The following MAMDC2 variants were observed in gnomAD, a reference collection of about 807,000 sequenced individuals.
The protein encoded by MAMDC2 is MAM domain-containing protein 2.
In MAMDC2, 57 loss-of-function variants were observed where a neutral mutation model predicts 89.8. That is an observed-to-expected ratio of 0.63 (90% CI 0.51 to 0.79). The LOEUF (loss-of-function observed/expected upper bound fraction) is 0.79. MAMDC2 is among the 30% of genes least tolerant of loss of function. The pLI is 0.00. For synonymous variants in MAMDC2, 313 were observed against 293.4 expected, an observed-to-expected ratio of 1.07 and a Z score of -0.68; for missense variants, 800 against 820.6, an observed-to-expected ratio of 0.97 and a Z score of 0.31.
chr9:70,184,387 T>C (rs1043992172), intron 11 of MAMDC2, among the ~76,000 whole-genome samples: 15 of 152,156 alleles, frequency 9.9e-5, no homozygotes, highest in African/African-American at 3.6e-4. Flanking sequence ...TGGAGTATCT[T>C]AGTGGTGTTT....
intron 9 of MAMDC2, among the ~76,000 whole-genome samples, chr9:70,155,865 C>G (rs2031744088): frequency 6.6e-6 from 1 of 152,150 alleles, no homozygotes; most frequent in South Asian, 2.1e-4. Context: ...CAATGTCTAC[C>G]TCAAATGCCT....
In MAMDC2 at chr9:70,218,340, A is replaced by T; in HGVS notation, c.1655A>T (p.Tyr552Phe). 6.2e-7 allele frequency: 1 copy of T among 1,610,816 alleles called. No individual in the cohort carries two copies. Among genetic ancestry groups the T allele is most frequent in the South Asian group, 1.1e-5 (1 of 90,632 alleles). Residue 552 changes from tyrosine to phenylalanine, a missense_variant, in exon 12 of 14, where the codon TAC (tyrosine) becomes TTC (phenylalanine). Transcript: ENST00000377182. ...CTGCTTTTGCATTCACCTCAAGGCT[A>T]CTACATGTACATTGAGGCCTCCCAT... ...PKGDHTTGVGYYMYIEASHMV... is the reference protein window; with the variant it reads ...PKGDHTTGVGFYMYIEASHMV...
At chr9:70,177,967 T>C (rs1436614857) in intron 11 of MAMDC2, among the ~76,000 whole-genome samples, 1 of 152,198 alleles carries the variant, frequency 6.6e-6, no homozygotes, top group Admixed American at 6.5e-5. Flanking sequence ...ACATCTAAAC[T>C]TTTTCTGATC....
chr9:70,044,838 C>A, intron 2 of MAMDC2, 141 bp downstream of exon 2: 1 of 734,372 alleles, frequency 1.4e-6, no homozygotes, highest in South Asian at 1.7e-5. Context: ...CCTTCAAGCC[C>A]TCAGCTGTGC....
intron 7 of MAMDC2, among the ~76,000 whole-genome samples, chr9:70,134,391 A>C (rs2030927906): frequency 6.9e-6 from 1 of 145,292 alleles, no homozygotes; most frequent in Admixed American, 7.2e-5. Flanking sequence ...ATCTGTCCCA[A>C]AGTTTAGAAG....
intron 12 of MAMDC2, among the ~76,000 whole-genome samples, chr9:70,225,301 CGG>C (rs879919295): frequency 1.3e-5 from 2 of 152,080 alleles, no homozygotes; most frequent in Non-Finnish European, 2.9e-5. Flanking sequence ...TGGGTATCAT[CGG>C]TCATATTAAA....
intron 3 of MAMDC2, 66 bp from the exon 4 acceptor site, chr9:70,109,654 A>C: frequency 1.5e-6 from 2 of 1,337,108 alleles, no homozygotes; most frequent in African/African-American, 1.4e-5. Context: ...TAATAGCTGA[A>C]ATACTGAACC....
chr9:70,213,939 C>T (rs966068891), intron 11 of MAMDC2, among the ~76,000 whole-genome samples: 1 of 152,134 alleles, frequency 6.6e-6, no homozygotes, highest in Non-Finnish European at 1.5e-5. Flanking sequence ...TACGGTGGAG[C>T]CATGTGCCCT....
chr9:70,171,722 T>C (rs1051138351), intron 11 of MAMDC2, among the ~76,000 whole-genome samples: 2 of 152,154 alleles, frequency 1.3e-5, no homozygotes, highest in African/African-American at 4.8e-5. Flanking sequence ...TGCTGTTTCT[T>C]ATGGTCTAAC....
chr9:70,184,931 G>A (rs572731983), intron 11 of MAMDC2, among the ~76,000 whole-genome samples: 2 of 152,216 alleles, frequency 1.3e-5, no homozygotes, highest in Non-Finnish European at 2.9e-5. Flanking sequence ...CTGGAGAAGA[G>A]TTCTGATCAT....
Position 70,044,076 on chromosome 9 carries a change from G to A in MAMDC2, c.-122G>A, listed in dbSNP as rs1187006490. 3.3e-6 allele frequency: 4 copies of A among 1,197,866 alleles called. No individual in the cohort carries two copies. Among genetic ancestry groups the A allele is most frequent in the Non-Finnish European group, 4.8e-6 (4 of 827,568 alleles). 74.2% of individuals were successfully genotyped at this position (1,197,866 alleles called of 1,614,324 possible). A position where few individuals can be genotyped will look rare whatever the true frequency, so the allele number is the denominator to read the frequency against. On this transcript the variant is annotated 5_prime_UTR_variant, in exon 1 of 14. Coordinates refer to ENST00000377182, the MANE Select transcript of MAMDC2 (RefSeq NM_153267.5). ...GCTCAGAGCGCAAGCTTTGCCTCTC[G>A]ACTTCTCCCTCCTTGGGTCCCCGGC...
At chr9:70,138,477 C>T (rs1336139252) in intron 7 of MAMDC2, among the ~76,000 whole-genome samples, 1 of 152,172 alleles carries the variant, frequency 6.6e-6, no homozygotes, top group Non-Finnish European at 1.5e-5. Context: ...TTTGAGAAAT[C>T]TCCACACTGT....
Position 70,218,413 on chromosome 9 carries a change from A to G in MAMDC2, c.1728A>G (p.Gly576=), listed in dbSNP as rs1311882803. ...KARLLSRPLR[G]VSGKHCLTFF... ...GCCTCTTGTCCAGGCCTCTGCGAGG[A>G]GTCTCTGGAAAACACTGCTTGACCT... Residue 576 remains glycine, a synonymous_variant, in exon 12 of 14, where the codon GGA becomes GGG. Coordinates refer to ENST00000377182, the MANE Select transcript of MAMDC2 (RefSeq NM_153267.5). 1 of 1,614,066 alleles carries G rather than the reference A, an allele frequency of 6.2e-7. No homozygotes were observed. Among genetic ancestry groups the G allele is most frequent in the Non-Finnish European group, 8.5e-7 (1 of 1,180,026 alleles).
intron 7 of MAMDC2, among the ~76,000 whole-genome samples, chr9:70,138,830 T>C (rs997253520): frequency 1.3e-5 from 2 of 152,154 alleles, no homozygotes; most frequent in African/African-American, 4.8e-5. Context: ...TGTGACTCTT[T>C]GACCTGCACA....
At chr9:70,200,662 TA>T (rs1365673708) in intron 11 of MAMDC2, among the ~76,000 whole-genome samples, 1 of 139,166 alleles carries the variant, frequency 7.2e-6, no homozygotes, top group Non-Finnish European at 1.6e-5. Flanking sequence ...ATTTTCACGA[TA>T]TTGATTCTTC....
At chr9:70,155,496 A>G (rs533239353) in intron 9 of MAMDC2, among the ~76,000 whole-genome samples, 38 of 152,308 alleles carry the variant, frequency 2.5e-4, no homozygotes, top group African/African-American at 8.7e-4. Context: ...TCCTCTGGGA[A>G]CTTATTTCAT....
chr9:70,187,181 T>C (rs1044697116), intron 11 of MAMDC2, among the ~76,000 whole-genome samples: 14 of 152,262 alleles, frequency 9.2e-5, no homozygotes, highest in African/African-American at 3.4e-4. Context: ...TGCCCCTGCC[T>C]AACTGTCTCT....
rs531319157 is a variant in MAMDC2 at position 70,072,595 on chromosome 9, T to C, written c.148+27898T>C. 3.3e-5 allele frequency among the ~76,000 whole-genome samples: 5 copies of C among 152,198 alleles called. No individual in the cohort carries two copies. The South Asian group carries it at 1.0e-3, about 32-fold the overall frequency. On this transcript the variant is annotated intron_variant, in intron 2 of 13. Coordinates refer to ENST00000377182, the MANE Select transcript of MAMDC2 (RefSeq NM_153267.5). ...TTGGTATTATTATTATCCCCACCGA[T>C]AGATGAGGAAATGGTGGCACGGTGA...
Position 70,190,880 on chromosome 9 carries a change from C to T in MAMDC2, c.1651+20249C>T, listed in dbSNP as rs2032863112. Among the ~76,000 whole-genome samples the T allele has an allele frequency of 3.3e-5, 5 of 152,100 alleles. No homozygotes were observed. The South Asian group carries it at 1.0e-3, about 31-fold the overall frequency. On this transcript the variant is annotated intron_variant, in intron 11 of 13. Coordinates refer to ENST00000377182, the MANE Select transcript of MAMDC2 (RefSeq NM_153267.5). The stretch of plus-strand genomic sequence containing the variant: ...ATGAAGCTTTTCAGAAGCTGCTAAA[C>T]AGGTTAAATAATGCCAGTTCTCTAG...
Sources: gnomAD v4.1 joint callset for allele counts (sites outside exome capture counted in the v4.1 genomes callset) on GRCh38, gnomAD v4.1.1 for gene constraint, MANE v1.5 for transcripts, NCBI Gene and HGNC (gene_info 2026-07-23, HGNC 2026-07-21) for gene names.